EPB41L2: variants seen among roughly 807,000 people sequenced by gnomAD.
EPB41L2 encodes the protein erythrocyte membrane protein band 4.1 like 2, also known as band 4.1-like protein 2.
In EPB41L2, 43 loss-of-function variants were observed where a neutral mutation model predicts 113.0. The ratio of observed to expected loss-of-function variants is 0.38; its 90% CI spans 0.30 to 0.49. The LOEUF is 0.49. Ranked by LOEUF, EPB41L2 falls within the 20% of genes least tolerant of loss-of-function variation. The pLI is 0.95. For missense variants in EPB41L2, 1,147 were observed against 1,223.4 expected (o/e 0.94, Z 0.93); for synonymous variants, 442 against 436.7 (o/e 1.01, Z -0.15).
At chr6:131,057,714 A>G (rs941377426) in intron 1 of EPB41L2, among the ~76,000 whole-genome samples, 1 of 152,232 alleles carries the variant, frequency 6.6e-6, no homozygotes, top group Non-Finnish European at 1.5e-5. Context: ...GAAGGGTAAC[A>G]TAAGTTTTTA....
intron 3 of EPB41L2, among the ~76,000 whole-genome samples, chr6:130,951,497 T>C (rs890587579): frequency 1.3e-5 from 2 of 151,390 alleles, no homozygotes; most frequent in African/African-American, 4.9e-5. Context: ...GCTAAAATTT[T>C]TGTATTTTTG....
At chr6:131,025,323 T>G (rs1790607970) in intron 1 of EPB41L2, among the ~76,000 whole-genome samples, 1 of 152,220 alleles carries the variant, frequency 6.6e-6, no homozygotes, top group Non-Finnish European at 1.5e-5. Flanking sequence ...ATTTTATTAT[T>G]AATCATGAAA....
intron 12 of EPB41L2, chr6:130,882,902 T>C (rs1259468703): frequency 1.3e-5 from 2 of 152,674 alleles, no homozygotes; most frequent in South Asian, 2.1e-4. Context: ...AGTCTTCCCA[T>C]GGATGGGAGA....
At chr6:131,042,189 C>T (rs1229834653) in intron 1 of EPB41L2, among the ~76,000 whole-genome samples, 2 of 152,142 alleles carry the variant, frequency 1.3e-5, no homozygotes, top group Non-Finnish European at 2.9e-5. Flanking sequence ...AAAAGAAACT[C>T]AGTAAGAATG....
At chr6:130,910,575 T>C (rs1213055729) in intron 4 of EPB41L2, among the ~76,000 whole-genome samples, 1 of 152,152 alleles carries the variant, frequency 6.6e-6, no homozygotes, top group East Asian at 1.9e-4. Flanking sequence ...GAAACTATCA[T>C]CAGAGTGAAC....
At chr6:130,912,105 ACT>A (rs1459814807) in intron 4 of EPB41L2, among the ~76,000 whole-genome samples, 2 of 152,016 alleles carry the variant, frequency 1.3e-5, no homozygotes, top group Non-Finnish European at 2.9e-5. Context: ...TCCTTATGAG[ACT>A]CTGACTAACG....
chr6:131,036,699 T>C (rs1479917821), intron 1 of EPB41L2, among the ~76,000 whole-genome samples: 1 of 152,202 alleles, frequency 6.6e-6, no homozygotes, highest in Non-Finnish European at 1.5e-5. Flanking sequence ...TCTGATACAA[T>C]TTATCTGGAT....
chr6:131,031,177 G>C (rs1251874921), intron 1 of EPB41L2, among the ~76,000 whole-genome samples: 1 of 151,920 alleles, frequency 6.6e-6, no homozygotes, highest in Non-Finnish European at 1.5e-5. Context: ...CCCCAGAAAA[G>C]ACAAAATGAC....
At chr6:130,984,948 G>C (rs190202796) in intron 1 of EPB41L2, among the ~76,000 whole-genome samples, 2 of 152,344 alleles carry the variant, frequency 1.3e-5, no homozygotes, top group East Asian at 3.9e-4. Context: ...ACCTTCAAGA[G>C]AGATGGGAAC....
chr6:131,056,247 T>C (rs1360242388), intron 1 of EPB41L2, among the ~76,000 whole-genome samples: 1 of 152,228 alleles, frequency 6.6e-6, no homozygotes, highest in Admixed American at 6.5e-5. Context: ...TACTCACTAA[T>C]AGGCTTTTTT....
At chr6:130,922,144 T>A (rs529763243) in intron 4 of EPB41L2, among the ~76,000 whole-genome samples, 31 of 152,174 alleles carry the variant, frequency 2.0e-4, no homozygotes, top group Non-Finnish European at 3.7e-4. Flanking sequence ...TGAAAATCTG[T>A]CTCCCAGGTG....
At chr6:130,867,354 C>T (rs1582853921) in intron 16 of EPB41L2, 105 bp downstream of exon 16, 1 of 1,441,184 alleles carries the variant, frequency 6.9e-7, no homozygotes, top group African/African-American at 1.4e-5. Flanking sequence ...ATACAAAAAG[C>T]TACATCAAAG....
chr6:130,975,574 A>G (rs979250182), intron 1 of EPB41L2, among the ~76,000 whole-genome samples: 1 of 152,254 alleles, frequency 6.6e-6, no homozygotes, highest in African/African-American at 2.4e-5. Flanking sequence ...AGAAAAGACA[A>G]TGAGGAAGAA....
intron 14 of EPB41L2, among the ~76,000 whole-genome samples, chr6:130,872,180 A>G (rs1258282970): frequency 6.6e-6 from 1 of 152,204 alleles, no homozygotes; most frequent in Non-Finnish European, 1.5e-5. Context: ...TGACCAAAGA[A>G]GCAGGAGAAA....
intron 1 of EPB41L2, among the ~76,000 whole-genome samples, chr6:131,001,147 G>A (rs1784276775): frequency 6.6e-6 from 1 of 151,920 alleles, no homozygotes; most frequent in Admixed American, 6.5e-5. Context: ...GTGCGTACAT[G>A]CTATCACTCA....
chr6:131,048,322 T>C (rs964770739), intron 1 of EPB41L2, among the ~76,000 whole-genome samples: 3 of 152,204 alleles, frequency 2.0e-5, no homozygotes, highest in Non-Finnish European at 4.4e-5. Context: ...GGGTTTTTGT[T>C]GTATTTTTTG....
chr6:130,987,263 G>A (rs761384942), intron 1 of EPB41L2, among the ~76,000 whole-genome samples: 2 of 152,106 alleles, frequency 1.3e-5, no homozygotes, highest in African/African-American at 2.4e-5. Context: ...CTGCTGGATC[G>A]AATAATTACT....
chr6:130,958,509 T>C (rs567479225), intron 1 of EPB41L2, among the ~76,000 whole-genome samples: 14 of 149,734 alleles, frequency 9.3e-5, no homozygotes, highest in Non-Finnish European at 1.8e-4. Context: ...TAAGCCAGGT[T>C]AGGAGAAGAA....
chr6:130,907,492 C>T (rs1221297503), intron 5 of EPB41L2, among the ~76,000 whole-genome samples: 1 of 152,172 alleles, frequency 6.6e-6, no homozygotes, highest in Non-Finnish European at 1.5e-5. Flanking sequence ...CCATTCCAGC[C>T]TGCCTGGGAC....
Sources: gnomAD v4.1 joint callset for allele counts (sites outside exome capture counted in the v4.1 genomes callset) on GRCh38, gnomAD v4.1.1 for gene constraint, MANE v1.5 for transcripts, NCBI Gene and HGNC (gene_info 2026-07-23, HGNC 2026-07-21) for gene names.